Variants in ZNF385D observed in about 807,000 individuals in gnomAD.
ZNF385D encodes the protein zinc finger protein 659.
ZNF385D carries 15 observed loss-of-function variants against 35.8 expected under a neutral mutation model. That is an observed-to-expected ratio of 0.42 (90% CI 0.28 to 0.64). The LOEUF (loss-of-function observed/expected upper bound fraction) is 0.64, where lower values mean the gene tolerates loss of function less well. Ranked by LOEUF, ZNF385D falls within the 30% of genes least tolerant of loss-of-function variation. ZNF385D has a pLI of 0.23. For missense variants in ZNF385D, 474 were observed against 494.6 expected, an observed-to-expected ratio of 0.96 and a Z score of 0.39; for synonymous variants, 212 against 186.8, an observed-to-expected ratio of 1.13 and a Z score of -1.10.
In ZNF385D at chr3:21,421,569, C is replaced by T. The variant is rs1202799369; in HGVS notation, c.955-122G>A. 9 of 647,704 alleles carry T rather than the reference C, an allele frequency of 1.4e-5. No individual in the cohort carries two copies. The African/African-American group carries it at 1.6e-4, about 12-fold the overall frequency. The allele number at this position is 647,704 out of a possible 1,614,324, so 40.1% of individuals were successfully genotyped here. On this transcript the variant is annotated intron_variant, in intron 7 of 7. Transcript: ENST00000281523. ...CAACTATAAAGAAAAAAGCTTCACA[C>T]TTGTGAACTGACAACAAAGAAAATG...
intron 3 of ZNF385D, among the ~76,000 whole-genome samples, chr3:21,913,466 T>A (rs1361663850): frequency 6.6e-6 from 1 of 152,132 alleles, no homozygotes; most frequent in Non-Finnish European, 1.5e-5. Flanking sequence ...AAGCATTTAC[T>A]GAATGACTAT....
Position 22,000,268 on chromosome 3 carries a change from G to A in ZNF385D, c.325+168549C>T, listed in dbSNP as rs188228142. Among the ~76,000 whole-genome samples, 367 of 151,240 alleles carry A rather than the reference G, an allele frequency of 2.4e-3. 1 individual carries two copies. Among genetic ancestry groups the A allele is most frequent in the African/African-American group, 8.5e-3 (348 of 40,960 alleles). On this transcript the variant is annotated intron_variant, in intron 3 of 5. Transcript: ENST00000494108. Reference sequence around the variant, plus strand: ...TGCAGTGAGTGGAGATCATGCCACGGCACTCCAGCCTGGGTGACAGAGCGA... The same window carrying A: ...TGCAGTGAGTGGAGATCATGCCACGACACTCCAGCCTGGGTGACAGAGCGA...
chr3:21,704,074 T>G (rs6787166), intron 1 of ZNF385D, among the ~76,000 whole-genome samples: 61,769 of 151,954 alleles, frequency 0.41, 13,729 homozygotes, highest in Middle Eastern at 0.53. Context: ...GCTTTTCAAG[T>G]TAAAAGCAAT....
chr3:21,826,331 G>T (rs541053809), intron 3 of ZNF385D, among the ~76,000 whole-genome samples: 2 of 152,260 alleles, frequency 1.3e-5, no homozygotes, highest in South Asian at 4.2e-4. Context: ...GATAACTTGG[G>T]CTGCATAGAA....
At chr3:22,201,377 A>G (rs1449929965) in intron 2 of ZNF385D, among the ~76,000 whole-genome samples, 1 of 152,160 alleles carries the variant, frequency 6.6e-6, no homozygotes, top group Non-Finnish European at 1.5e-5. Flanking sequence ...AAAAGTTTTT[A>G]CTTACTTGTG....
intron 1 of ZNF385D, among the ~76,000 whole-genome samples, chr3:21,716,548 G>A (rs112369024): frequency 6.6e-6 from 1 of 152,102 alleles, no homozygotes; most frequent in Non-Finnish European, 1.5e-5. Flanking sequence ...ACCTGTGCCT[G>A]GGATGATGTT....
intron 3 of ZNF385D, among the ~76,000 whole-genome samples, chr3:21,975,635 T>C (rs891062454): frequency 1.3e-5 from 2 of 151,010 alleles, no homozygotes; most frequent in East Asian, 3.9e-4. Flanking sequence ...CATTGTATAC[T>C]TTTATCAAAA....
intron 3 of ZNF385D, among the ~76,000 whole-genome samples, chr3:22,120,488 G>A (rs938177590): frequency 6.6e-6 from 1 of 151,936 alleles, no homozygotes; most frequent in Non-Finnish European, 1.5e-5. Context: ...GTCACACTGG[G>A]GATTAGGGCT....
chr3:22,249,168 C>T (rs1699940102), intron 2 of ZNF385D, among the ~76,000 whole-genome samples: 1 of 152,104 alleles, frequency 6.6e-6, no homozygotes, highest in Admixed American at 6.6e-5. Context: ...AAATCCCATA[C>T]CTGAATAGTT....
At chr3:21,925,659 G>A (rs772974441) in intron 3 of ZNF385D, among the ~76,000 whole-genome samples, 4 of 152,198 alleles carry the variant, frequency 2.6e-5, no homozygotes, top group South Asian at 4.1e-4. Context: ...GTTACTTTCC[G>A]AAAGGCCTGT....
chr3:21,919,107 C>G (rs1182688730), intron 3 of ZNF385D, among the ~76,000 whole-genome samples: 1 of 152,116 alleles, frequency 6.6e-6, no homozygotes, highest in Non-Finnish European at 1.5e-5. Context: ...GTATCTTTCT[C>G]TGATAGTGTT....
intron 3 of ZNF385D, among the ~76,000 whole-genome samples, chr3:21,926,292 A>C (rs1700724008): frequency 6.6e-6 from 1 of 151,628 alleles, no homozygotes; most frequent in Non-Finnish European, 1.5e-5. Flanking sequence ...CTAGTCCCTC[A>C]TCCCTGACAG....
chr3:21,724,243 C>G (rs2068659388), intron 1 of ZNF385D, among the ~76,000 whole-genome samples: 1 of 151,880 alleles, frequency 6.6e-6, no homozygotes, highest in Admixed American at 6.6e-5. Flanking sequence ...ACTGCATCAA[C>G]TAATGGGCAA....
chr3:21,626,625 G>C (rs1170330359), intron 2 of ZNF385D, among the ~76,000 whole-genome samples: 2 of 152,096 alleles, frequency 1.3e-5, no homozygotes, highest in African/African-American at 4.8e-5. Flanking sequence ...GGCTACTGCA[G>C]TTCATTTCTC....
At chr3:21,684,025 A>G (rs1331274423) in intron 1 of ZNF385D, among the ~76,000 whole-genome samples, 2 of 149,998 alleles carry the variant, frequency 1.3e-5, no homozygotes, top group Non-Finnish European at 3.0e-5. Context: ...GTGATGTTTT[A>G]AGGCACCAAG....
intron 3 of ZNF385D, among the ~76,000 whole-genome samples, chr3:22,043,903 T>A (rs1333423298): frequency 1.3e-5 from 2 of 152,060 alleles, no homozygotes; most frequent in Non-Finnish European, 2.9e-5. Flanking sequence ...AGCAAAGAAG[T>A]GAGGGAGGCC....
At chr3:21,713,448 G>C (rs1341114022) in intron 1 of ZNF385D, among the ~76,000 whole-genome samples, 1 of 152,086 alleles carries the variant, frequency 6.6e-6, no homozygotes, top group African/African-American at 2.4e-5. Context: ...TGGGCATAGA[G>C]GTGGGGTATA....
intron 2 of ZNF385D, among the ~76,000 whole-genome samples, chr3:22,293,440 C>A (rs1469248017): frequency 6.6e-6 from 1 of 151,984 alleles, no homozygotes; most frequent in Non-Finnish European, 1.5e-5. Context: ...GCTACTAAAC[C>A]TGGTACTCTT....
chr3:22,200,775 TTC>T (rs1696738014), intron 2 of ZNF385D, among the ~76,000 whole-genome samples: 2 of 152,060 alleles, frequency 1.3e-5, no homozygotes, highest in African/African-American at 4.8e-5. Flanking sequence ...CAGGCGCCTA[TTC>T]TCTTTCCCAG....
Sources: gnomAD v4.1 joint callset for allele counts (sites outside exome capture counted in the v4.1 genomes callset) on GRCh38, gnomAD v4.1.1 for gene constraint, MANE v1.5 for transcripts, NCBI Gene and HGNC (gene_info 2026-07-23, HGNC 2026-07-21) for gene names.